NKAIN2: variants seen among roughly 807,000 people sequenced by gnomAD.
NKAIN2 encodes the protein sodium/potassium transporting ATPase interacting 2, also known as sodium/potassium-transporting ATPase subunit beta-1-interacting protein 2.
A neutral mutation model predicts 32.6 loss-of-function variants in NKAIN2; 14 were observed. The ratio of observed to expected loss-of-function variants is 0.43; its 90% CI spans 0.28 to 0.67. The LOEUF (loss-of-function observed/expected upper bound fraction) is 0.67, where lower values mean the gene tolerates loss of function less well. Ranked by LOEUF, NKAIN2 falls within the 30% of genes least tolerant of loss-of-function variation. The pLI, the probability that NKAIN2 is intolerant of heterozygous loss-of-function variation, is 0.17. For missense variants in NKAIN2, 198 were observed against 258.3 expected (o/e 0.77, Z 1.60); for synonymous variants, 80 against 87.2 (o/e 0.92, Z 0.46).
rs549897101 is a variant in NKAIN2 at position 124,732,132 on chromosome 6, G to C, written c.475-59207G>C. Among the ~76,000 whole-genome samples the C allele has an allele frequency of 9.2e-5, 14 of 151,834 alleles. No individual in the cohort carries two copies. In the East Asian group the frequency reaches 2.5e-3, roughly 27 times the overall value. ...TTCCATAGAACTTTAAAATAGAGATGAGAAAAAAAAATCATCTTTGCCTGC... is the reference window on the plus strand; with the variant it reads ...TTCCATAGAACTTTAAAATAGAGATCAGAAAAAAAAATCATCTTTGCCTGC... On this transcript the variant is annotated intron_variant, in intron 4 of 6. Coordinates refer to ENST00000368417, the MANE Select transcript of NKAIN2 (RefSeq NM_001040214.3).
intron 3 of NKAIN2, among the ~76,000 whole-genome samples, chr6:124,620,012 T>C (rs2115013918): frequency 6.6e-6 from 1 of 152,238 alleles, no homozygotes; most frequent in Non-Finnish European, 1.5e-5. Flanking sequence ...AAATACAACA[T>C]GTTAAATTAG....
At chr6:124,153,089 T>C (rs1431605759) in intron 1 of NKAIN2, among the ~76,000 whole-genome samples, 1 of 151,774 alleles carries the variant, frequency 6.6e-6, no homozygotes, top group African/African-American at 2.4e-5. Flanking sequence ...TTCAACAGTA[T>C]AGTAGGAAAA....
chr6:124,504,898 G>A lies in NKAIN2; in HGVS notation c.273+149551G>A, dbSNP rs370035286. Among the ~76,000 whole-genome samples the A allele has an allele frequency of 5.8e-4, 89 of 152,302 alleles. 1 individual carries two copies. The highest frequency in any genetic ancestry group is 2.1e-3 in the African/African-American group (88 of 41,572). ...ATAGTTTAACATTAGAATACTCTGG[G>A]AAACCAGATATTTGTAGTAGCAGCA... On this transcript the variant is annotated intron_variant, in intron 3 of 6. Coordinates refer to ENST00000368417, the MANE Select transcript of NKAIN2 (RefSeq NM_001040214.3).
At chr6:124,776,881 G>C (rs955139613) in intron 4 of NKAIN2, among the ~76,000 whole-genome samples, 5 of 152,010 alleles carry the variant, frequency 3.3e-5, no homozygotes. Context: ...AGCAGAATTA[G>C]AAGGTCTCAT....
intron 1 of NKAIN2, among the ~76,000 whole-genome samples, chr6:124,217,379 T>C (rs1791531711): frequency 6.6e-6 from 1 of 152,142 alleles, no homozygotes; most frequent in African/African-American, 2.4e-5. Context: ...AAAGCTCATC[T>C]ACATGGTTAA....
chr6:124,062,694 GT>G (rs1166444086), intron 1 of NKAIN2, among the ~76,000 whole-genome samples: 3 of 152,200 alleles, frequency 2.0e-5, no homozygotes, highest in Non-Finnish European at 2.9e-5. Flanking sequence ...GGATACAGGC[GT>G]GAGCCACCAT....
At chr6:123,876,081 T>C (rs1230173448) in intron 1 of NKAIN2, among the ~76,000 whole-genome samples, 2 of 152,152 alleles carry the variant, frequency 1.3e-5, no homozygotes, top group African/African-American at 4.8e-5. Flanking sequence ...TTTTTGTTTA[T>C]TTAGACTACC....
At chr6:124,505,706 GTCCTCTTTTCA>G (rs1355384312) in intron 3 of NKAIN2, among the ~76,000 whole-genome samples, 2 of 152,044 alleles carry the variant, frequency 1.3e-5, no homozygotes, top group Non-Finnish European at 2.9e-5. Context: ...ATAAGTTTGG[GTCCTCTTTTCA>G]TCCAGAACGC....
intron 1 of NKAIN2, among the ~76,000 whole-genome samples, chr6:123,840,143 A>C (rs908404354): frequency 2.0e-5 from 3 of 152,004 alleles, no homozygotes; most frequent in Non-Finnish European, 4.4e-5. Context: ...ACAGTAATTG[A>C]CAAATGCTTT....
chr6:123,997,627 A>C (rs1278597402), intron 1 of NKAIN2, among the ~76,000 whole-genome samples: 4 of 129,958 alleles, frequency 3.1e-5, no homozygotes, highest in Admixed American at 2.7e-4. Flanking sequence ...TTTTTGAGAC[A>C]GAGTCTCGCT....
rs572496152 is a variant in NKAIN2, at chr6:124,523,175, A to G, written c.274-135011A>G. ...AAAAAAGAAAAAAGATCTTTAACTGAATTTTTTTTCTATCTAACTATTCAT... is the reference window on the plus strand; with the variant it reads ...AAAAAAGAAAAAAGATCTTTAACTGGATTTTTTTTCTATCTAACTATTCAT... On this transcript the variant is annotated intron_variant, in intron 3 of 6. Coordinates refer to ENST00000368417, the MANE Select transcript of NKAIN2 (RefSeq NM_001040214.3). Among the ~76,000 whole-genome samples the G allele has an allele frequency of 5.3e-5, 8 of 151,776 alleles. No individual in the cohort carries two copies. In the South Asian group the frequency reaches 1.2e-3, roughly 24 times the overall value.
chr6:124,536,973 C>G (rs188667961), intron 3 of NKAIN2, among the ~76,000 whole-genome samples: 41 of 152,316 alleles, frequency 2.7e-4, no homozygotes, highest in African/African-American at 9.6e-4. Flanking sequence ...TATGGACTAG[C>G]TTTAACAACA....
chr6:124,722,938 GATATGCCTCA>G (rs1776093772), intron 4 of NKAIN2, among the ~76,000 whole-genome samples: 2 of 152,176 alleles, frequency 1.3e-5, no homozygotes, highest in African/African-American at 4.8e-5. Context: ...GTGGTTTGCA[GATATGCCTCA>G]GAGTCACTTC....
intron 4 of NKAIN2, among the ~76,000 whole-genome samples, chr6:124,779,283 GGAAGGC>G (rs1779137872): frequency 1.4e-4 from 14 of 100,034 alleles, no homozygotes; most frequent in Middle Eastern, 4.5e-3. Flanking sequence ...GAGAGAGAGA[GGAAGGC>G]AGGAAGGAGG....
At chr6:124,146,641 G>A (rs1334686130) in intron 1 of NKAIN2, among the ~76,000 whole-genome samples, 3 of 152,142 alleles carry the variant, frequency 2.0e-5, no homozygotes, top group African/African-American at 7.2e-5. Context: ...TGAATAACCT[G>A]TGTTATATTC....
At chr6:124,531,579 TTCTC>T (rs1397621798) in intron 3 of NKAIN2, among the ~76,000 whole-genome samples, 2 of 152,230 alleles carry the variant, frequency 1.3e-5, no homozygotes, top group Non-Finnish European at 2.9e-5. Flanking sequence ...TTTGGAAGTA[TTCTC>T]TCTTTTTCAA....
intron 1 of NKAIN2, among the ~76,000 whole-genome samples, chr6:124,033,970 A>G (rs1227204792): frequency 1.3e-5 from 2 of 152,144 alleles, no homozygotes; most frequent in African/African-American, 4.8e-5. Context: ...GTTCACAATT[A>G]AAGTTTGAAA....
chr6:124,341,594 T>C (rs1356792423), intron 2 of NKAIN2, among the ~76,000 whole-genome samples: 1 of 152,090 alleles, frequency 6.6e-6, no homozygotes, highest in Non-Finnish European at 1.5e-5. Flanking sequence ...AAATATAAAA[T>C]CACAAGAAAG....
At chr6:124,070,742 A>T (rs899506917) in intron 1 of NKAIN2, among the ~76,000 whole-genome samples, 4 of 152,126 alleles carry the variant, frequency 2.6e-5, no homozygotes, top group Non-Finnish European at 5.9e-5. Context: ...CATCTTTCAC[A>T]TGACTAGAAA....
Sources: gnomAD v4.1 joint callset for allele counts (sites outside exome capture counted in the v4.1 genomes callset) on GRCh38, gnomAD v4.1.1 for gene constraint, MANE v1.5 for transcripts, NCBI Gene and HGNC (gene_info 2026-07-23, HGNC 2026-07-21) for gene names.